USP9X: variants seen among roughly 807,000 people sequenced by gnomAD.
USP9X encodes ubiquitin carboxyl-terminal hydrolase 9X.
A neutral mutation model predicts 190.3 loss-of-function variants in USP9X; 7 were observed. The observed-to-expected ratio is 0.04, with a 90% CI of 0.02 to 0.07. The LOEUF is 0.07. USP9X is among the 10% of genes least tolerant of loss of function. The pLI is 1.00. For missense variants in USP9X, 1,010 were observed against 1,916.9 expected, an observed-to-expected ratio of 0.53 and a Z score of 8.83; for synonymous variants, 645 against 659.5, an observed-to-expected ratio of 0.98 and a Z score of 0.34.
intron 14 of USP9X, among the ~76,000 whole-genome samples, chrX:41,161,421 C>T (rs888060379): frequency 3.2e-5 from 3 of 93,382 alleles, no homozygotes; most frequent in Non-Finnish European, 6.2e-5. Flanking sequence ...CTCACTGCAA[C>T]GTCCACCTCC....
intron 38 of USP9X, among the ~76,000 whole-genome samples, chrX:41,222,697 C>G (rs2063275154): frequency 9.0e-6 from 1 of 110,677 alleles, no homozygotes; most frequent in South Asian, 3.8e-4. Context: ...GCGGGCAGAT[C>G]ATGAGGTCAA....
intron 28 of USP9X, 148 bp downstream of exon 28, chrX:41,196,886 C>A: frequency 2.3e-6 from 1 of 441,282 alleles, no homozygotes; most frequent in Non-Finnish European, 3.6e-6. Context: ...CATCAGTGGA[C>A]GTTAGTAATC....
At chrX:41,194,745 C>T (rs999744161) in intron 26 of USP9X, among the ~76,000 whole-genome samples, 5 of 110,758 alleles carry the variant, frequency 4.5e-5, no homozygotes, top group African/African-American at 6.6e-5. Context: ...TCAAGAAAGC[C>T]CCTACCCTTA....
intron 2 of USP9X, among the ~76,000 whole-genome samples, chrX:41,125,711 C>CTCTT (rs2062240287): frequency 9.6e-6 from 1 of 104,625 alleles, no homozygotes. Context: ...CTCTCTCTCT[C>CTCTT]TCTCTCTCGC....
intron 31 of USP9X, among the ~76,000 whole-genome samples, chrX:41,203,964 C>T (rs752666262): frequency 1.8e-4 from 20 of 111,920 alleles, no homozygotes; most frequent in Non-Finnish European, 3.0e-4. Context: ...TCCCAAAGTG[C>T]TGGGATTATA....
chrX:41,150,904 G>A lies in USP9X; in HGVS notation c.1627-17G>A, dbSNP rs1452733757. On this transcript the variant is annotated splice_polypyrimidine_tract_variant and intron_variant, in intron 12 of 44. Transcript: ENST00000378308. ...TGAGTATTGATCTATTTAAAACATT[G>A]AAATCATTTGTTTAAGGACCGTGAT... 1.7e-6 allele frequency: 2 copies of A among 1,189,442 alleles called. No homozygotes were observed. The highest frequency in any genetic ancestry group is 3.8e-5 in the South Asian group (2 of 52,857).
At chrX:41,157,319 CAT>C (rs923011473) in intron 14 of USP9X, among the ~76,000 whole-genome samples, 6 of 111,341 alleles carry the variant, frequency 5.4e-5, no homozygotes, top group Non-Finnish European at 9.4e-5. Flanking sequence ...AGGACAAAAA[CAT>C]AAACTTTCTG....
intron 2 of USP9X, 69 bp from the exon 3 acceptor site, chrX:41,128,931 T>C: frequency 9.1e-7 from 1 of 1,095,511 alleles, no homozygotes. Flanking sequence ...TTGTCTATGT[T>C]GGTGTTTGGA....
intron 32 of USP9X, among the ~76,000 whole-genome samples, chrX:41,209,113 AC>A (rs2063135177): frequency 8.9e-6 from 1 of 111,817 alleles, no homozygotes; most frequent in South Asian, 3.7e-4. Flanking sequence ...CAATTTTCCT[AC>A]TTATGTATGA....
intron 14 of USP9X, among the ~76,000 whole-genome samples, chrX:41,155,723 C>A (rs187544217): frequency 1.2e-3 from 137 of 111,948 alleles, no homozygotes; most frequent in Non-Finnish European, 2.4e-3. Context: ...CTATGAAGTA[C>A]TATTAAGTCT....
chrX:41,131,124 C>T (rs1368798185), intron 3 of USP9X, among the ~76,000 whole-genome samples: 2 of 110,652 alleles, frequency 1.8e-5, no homozygotes, highest in African/African-American at 6.6e-5. Flanking sequence ...GAGCACTTCC[C>T]TATGAATTTT....
chrX:41,189,629 A>G (rs951237924), intron 26 of USP9X, 154 bp downstream of exon 26: 26 of 462,586 alleles, frequency 5.6e-5, no homozygotes, highest in Non-Finnish European at 8.4e-5. Context: ...GTTTTGCTTA[A>G]CCTAAATGTT....
At chrX:41,134,621 C>T (rs2147027620) in intron 4 of USP9X, 104 bp from the exon 5 acceptor site, 4 of 582,214 alleles carry the variant, frequency 6.9e-6, no homozygotes, top group South Asian at 7.0e-5. Flanking sequence ...TGTTAGCTGT[C>T]GGTGAAGTTT....
At chrX:41,211,845 T>C (rs1436687413) in intron 33 of USP9X, among the ~76,000 whole-genome samples, 6 of 99,847 alleles carry the variant, frequency 6.0e-5, no homozygotes, top group African/African-American at 1.9e-4. Flanking sequence ...GGTGGGGGGG[T>C]CAGCCCCCCG....
intron 32 of USP9X, among the ~76,000 whole-genome samples, chrX:41,205,887 C>CTTTTTTTT (rs751427663): frequency 1.7e-4 from 15 of 87,156 alleles, no homozygotes; most frequent in Admixed American, 6.5e-4. Context: ...TTTTCTTTTT[C>CTTTTTTTT]TTTTTTTCTT....
chrX:41,125,908 C>G (rs2062246476), intron 2 of USP9X, among the ~76,000 whole-genome samples: 1 of 111,159 alleles, frequency 9.0e-6, no homozygotes. Context: ...CGATGTACAG[C>G]TCACATCACA....
chrX:41,123,866 A>C, intron 2 of USP9X, 142 bp downstream of exon 2: 1 of 515,347 alleles, frequency 1.9e-6, no homozygotes, highest in Non-Finnish European at 3.1e-6. Context: ...AACAGGGTGG[A>C]ACCCTGTCTC....
chrX:41,139,621 A>C (rs1400356428), intron 6 of USP9X, among the ~76,000 whole-genome samples: 1 of 112,511 alleles, frequency 8.9e-6, no homozygotes, highest in Non-Finnish European at 1.9e-5. Flanking sequence ...CGATAATCAC[A>C]CCATTGCACT....
chrX:41,227,141 A>G (rs2063320972), intron 41 of USP9X, among the ~76,000 whole-genome samples: 1 of 112,121 alleles, frequency 8.9e-6, no homozygotes, highest in African/African-American at 3.2e-5. Context: ...CGTGAAAATA[A>G]TTTTCTCATA....
Sources: gnomAD v4.1 joint callset for allele counts (sites outside exome capture counted in the v4.1 genomes callset) on GRCh38, gnomAD v4.1.1 for gene constraint, MANE v1.5 for transcripts, NCBI Gene and HGNC (gene_info 2026-07-23, HGNC 2026-07-21) for gene names.